Variants in SCTR observed in about 807,000 individuals in gnomAD.
SCTR encodes pancreatic secretin receptor.
SCTR carries 56 observed loss-of-function variants against 60.8 expected under a neutral mutation model. That is an observed-to-expected ratio of 0.92 (90% confidence interval 0.74 to 1.15). The LOEUF (loss-of-function observed/expected upper bound fraction) is 1.15. Among genes scored for constraint, SCTR ranks in the 50% most tolerant of loss-of-function variants. The probability of loss-of-function intolerance (pLI) is 0.00; values close to 1 mark genes in which losing one functional copy is unlikely to be tolerated. For synonymous variants in SCTR, 202 were observed against 217.0 expected, an observed-to-expected ratio of 0.93 and a Z score of 0.61; for missense variants, 562 against 550.4, an observed-to-expected ratio of 1.02 and a Z score of -0.21.
At chr2:119,488,814 G>A (rs1052235868) in intron 2 of SCTR, among the ~76,000 whole-genome samples, 12 of 152,194 alleles carry the variant, frequency 7.9e-5, no homozygotes, top group African/African-American at 2.4e-4. Context: ...TCATGAAGTT[G>A]ATCAGATTAT....
chr2:119,443,001 C>T (rs775177426), intron 11 of SCTR, among the ~76,000 whole-genome samples: 2 of 152,062 alleles, frequency 1.3e-5, no homozygotes, highest in African/African-American at 2.4e-5. Flanking sequence ...ACCTCACAAG[C>T]GAGGGAACTG....
intron 12 of SCTR, 135 bp downstream of exon 12, chr2:119,441,423 C>T: frequency 1.4e-6 from 1 of 697,628 alleles, no homozygotes; most frequent in South Asian, 1.7e-5. Context: ...GGCCAAGCCA[C>T]CTGCCACCAG....
At chr2:119,454,868 T>A (rs1217634713) in intron 7 of SCTR, among the ~76,000 whole-genome samples, 7 of 130,578 alleles carry the variant, frequency 5.4e-5, no homozygotes, top group African/African-American at 1.1e-4. Flanking sequence ...AAAAAAAAAA[T>A]GTAAAATATG....
chr2:119,451,713 A>G (rs1410620535), intron 9 of SCTR, among the ~76,000 whole-genome samples: 1 of 152,244 alleles, frequency 6.6e-6, no homozygotes, highest in African/African-American at 2.4e-5. Context: ...TTTCAGGCCA[A>G]TGGGAGCCAG....
intron 1 of SCTR, among the ~76,000 whole-genome samples, chr2:119,501,562 A>G (rs1033222620): frequency 1.3e-5 from 2 of 152,198 alleles, no homozygotes; most frequent in Non-Finnish European, 2.9e-5. Flanking sequence ...CTTTGATAAT[A>G]TAAGTAGGGA....
At chr2:119,498,328 A>G (rs955736358) in intron 1 of SCTR, among the ~76,000 whole-genome samples, 29 of 152,178 alleles carry the variant, frequency 1.9e-4, no homozygotes, top group African/African-American at 6.8e-4. Flanking sequence ...AAAAAGTAAA[A>G]GAATTTGTTG....
chr2:119,496,213 ACACATGCTGTTCAGAGC>A (rs780587788), intron 1 of SCTR, among the ~76,000 whole-genome samples: 130 of 152,392 alleles, frequency 8.5e-4, no homozygotes, highest in Non-Finnish European at 1.4e-3. Flanking sequence ...ACTGGTCAGC[ACACATGCTGTTCAGAGC>A]TGCTTAGAAA....
chr2:119,467,699 T>TA (rs58880883), intron 4 of SCTR, among the ~76,000 whole-genome samples: 315 of 152,032 alleles, frequency 2.1e-3, no homozygotes, highest in East Asian at 4.4e-3. Flanking sequence ...GTATTAGTGA[T>TA]AAAAAAAACC....
intron 2 of SCTR, among the ~76,000 whole-genome samples, chr2:119,488,553 A>G (rs867531144): frequency 4.6e-5 from 7 of 152,228 alleles, no homozygotes; most frequent in South Asian, 2.1e-4. Context: ...AGATCGGTCA[A>G]CCTGGAATTG....
chr2:119,446,628 G>A, intron 11 of SCTR, 131 bp downstream of exon 11: 2 of 875,760 alleles, frequency 2.3e-6, no homozygotes, highest in Non-Finnish European at 3.2e-6. Context: ...GCACTGTCAG[G>A]TCCGACCCCT....
chr2:119,459,474 C>T (rs910827144), intron 7 of SCTR, among the ~76,000 whole-genome samples: 2 of 151,758 alleles, frequency 1.3e-5, no homozygotes, highest in African/African-American at 4.8e-5. Context: ...ATTTAAGCAA[C>T]CTATCTTTGA....
intron 1 of SCTR, among the ~76,000 whole-genome samples, chr2:119,499,707 A>G (rs897405576): frequency 6.6e-6 from 1 of 152,084 alleles, no homozygotes; most frequent in East Asian, 1.9e-4. Context: ...GAGGCAGAAA[A>G]ATTATTTGAG....
chr2:119,475,749 T>C (rs1677253509), intron 3 of SCTR, among the ~76,000 whole-genome samples: 2 of 149,272 alleles, frequency 1.3e-5, no homozygotes, highest in Admixed American at 1.3e-4. Flanking sequence ...TATAGATATA[T>C]ATTTATGCAG....
chr2:119,517,752 CATT>C (rs1374616682), intron 1 of SCTR, among the ~76,000 whole-genome samples: 1 of 152,096 alleles, frequency 6.6e-6, no homozygotes, highest in Non-Finnish European at 1.5e-5. Context: ...AGATGGCTGT[CATT>C]GTGTTGTCCT....
chr2:119,476,327 G>C (rs2579655), intron 3 of SCTR: 89,441 of 152,152 alleles, frequency 0.59, 27,789 homozygotes, highest in Non-Finnish European at 0.69. Context: ...CCCAGGCTGG[G>C]TATGAACAAC....
chr2:119,469,074 C>T (rs1676865242), intron 4 of SCTR, among the ~76,000 whole-genome samples: 1 of 152,084 alleles, frequency 6.6e-6, no homozygotes, highest in Non-Finnish European at 1.5e-5. Context: ...CTCCTGAGAG[C>T]CAGGAGTCAC....
chr2:119,463,600 G>A lies in SCTR; in HGVS notation c.636+523C>T, dbSNP rs182298191. ...CCCAATATATAGTTTTCTGTTATTC[G>A]CAGCAAAAGGAATCCCAACTGACAC... On this transcript the variant is annotated intron_variant, in intron 6 of 12. Transcript: ENST00000019103. 1.5e-3 allele frequency among the ~76,000 whole-genome samples: 223 copies of A among 152,254 alleles called. 3 individuals are homozygous for A. Among genetic ancestry groups the A allele is most frequent in the African/African-American group, 5.1e-3 (210 of 41,552 alleles).
chr2:119,470,814 C>T (rs1261434787), intron 4 of SCTR, among the ~76,000 whole-genome samples: 1 of 152,228 alleles, frequency 6.6e-6, no homozygotes, highest in African/African-American at 2.4e-5. Context: ...GACTCTTGTG[C>T]CTCAGCCTCC....
At chr2:119,462,116 G>A in intron 6 of SCTR, 116 bp from the exon 7 acceptor site, 2 of 956,534 alleles carry the variant, frequency 2.1e-6, no homozygotes, top group Non-Finnish European at 1.5e-6. Flanking sequence ...CACAAGAGCG[G>A]GCCTCTGGGG....
Sources: allele counts gnomAD v4.1 joint callset (sites outside exome capture counted in the v4.1 genomes callset), GRCh38; gene constraint gnomAD v4.1.1; transcripts MANE v1.5; gene names NCBI Gene and HGNC (gene_info 2026-07-23, HGNC 2026-07-21).